MED16: variants seen among roughly 807,000 people sequenced by gnomAD.
The protein encoded by MED16 is mediator complex subunit 16, also known as mediator of RNA polymerase II transcription subunit 16.
In MED16, 81 loss-of-function variants were observed where a neutral mutation model predicts 84.4. The ratio of observed to expected loss-of-function variants is 0.96; its 90% CI spans 0.80 to 1.15. The LOEUF is 1.15. Ranked by LOEUF, MED16 falls within the 50% of genes most tolerant of loss-of-function variation. The pLI is 0.00. For missense variants in MED16, 1,585 were observed against 1,245.9 expected (o/e 1.27, Z -4.10); for synonymous variants, 897 against 552.2 (o/e 1.62, Z -8.76).
intron 10 of MED16, among the ~76,000 whole-genome samples, chr19:874,150 G>GT (rs1266864043): frequency 3.0e-5 from 4 of 133,258 alleles, no homozygotes; most frequent in Non-Finnish European, 5.2e-5. Context: ...GTCTCACTCT[G>GT]TCGCCCAGGC....
intron 4 of MED16, among the ~76,000 whole-genome samples, 156 bp from the exon 5 acceptor site, chr19:886,357 T>G (rs991289076): frequency 6.6e-6 from 1 of 152,184 alleles, no homozygotes; most frequent in Non-Finnish European, 1.5e-5. Context: ...GTGTGGGATG[T>G]GATCCCCTCT....
At chr19:878,972 C>T (rs1219811120) in intron 8 of MED16, among the ~76,000 whole-genome samples, 6 of 149,552 alleles carry the variant, frequency 4.0e-5, no homozygotes, top group African/African-American at 1.5e-4. Context: ...GCCCCAGCAG[C>T]TCACCTTCCC....
At chr19:873,425 G>A (rs750079791) in intron 11 of MED16, 24 bp downstream of exon 11, 23 of 1,600,728 alleles carry the variant, frequency 1.4e-5, no homozygotes, top group East Asian at 4.5e-5. Context: ...GGGGGGCGGG[G>A]CCTTAGGGGA....
chr19:871,652 T>A (rs1444022755), intron 12 of MED16: 1 of 1,587,404 alleles, frequency 6.3e-7, no homozygotes, highest in East Asian at 2.3e-5. Context: ...AGCATGGACC[T>A]GTGCTAGGAA....
At chr19:882,485 C>T (rs1162593528) in intron 6 of MED16, among the ~76,000 whole-genome samples, 3 of 152,194 alleles carry the variant, frequency 2.0e-5, no homozygotes, top group Non-Finnish European at 2.9e-5. Context: ...GATCACGCCA[C>T]TGCACTCCAG....
rs991155740 is a variant in MED16, at chr19:885,079, C to A, written c.880-71G>T. 1.6e-5 allele frequency: 19 copies of A among 1,209,410 alleles called. 1 individual carries two copies. Among genetic ancestry groups the A allele is most frequent in the Non-Finnish European group, 2.1e-5 (18 of 851,446 alleles). The allele number at this position is 1,209,410 out of a possible 1,614,324, so 74.9% of individuals were successfully genotyped here. ...GGCCACGCCACCACCGGAGCCTGAG[C>A]TGCGGGACCCTGGGGCCACGCACTG... On this transcript the variant is annotated intron_variant, in intron 5 of 15. Coordinates refer to ENST00000325464, the MANE Select transcript of MED16 (RefSeq NM_005481.3).
Position 868,510 on chromosome 19 carries a change from G to A in MED16, c.2400-11C>T, listed in dbSNP as rs768019313. 15 of 1,608,464 alleles carry A rather than the reference G, an allele frequency of 9.3e-6. No individual in the cohort carries two copies. The highest frequency in any genetic ancestry group is 1.7e-5 in the Admixed American group (1 of 59,850). On this transcript the variant is annotated splice_polypyrimidine_tract_variant and intron_variant, in intron 14 of 15. Coordinates refer to ENST00000325464, the MANE Select transcript of MED16 (RefSeq NM_005481.3). ...GTGACACAGCCGCACCTGCGGGGAG[G>A]CAGGCACTGAGCGGGTTCCCACTTC...
intron 4 of MED16, among the ~76,000 whole-genome samples, chr19:886,619 T>A (rs1163466131): frequency 6.6e-6 from 1 of 152,222 alleles, no homozygotes; most frequent in Non-Finnish European, 1.5e-5. Context: ...GCGGGGGCCG[T>A]CAGGCCCTGG....
chr19:871,744 G>T, intron 12 of MED16, 182 bp downstream of exon 12: 1 of 863,784 alleles, frequency 1.2e-6, no homozygotes, highest in Non-Finnish European at 1.8e-6. Flanking sequence ...GGCAGGACTT[G>T]TGTTTTGGTA....
chr19:891,575 T>C (rs1050637159), intron 1 of MED16, among the ~76,000 whole-genome samples: 34 of 151,694 alleles, frequency 2.2e-4, no homozygotes, highest in Non-Finnish European at 3.4e-4. Context: ...GGCGGCTCCC[T>C]GTAGCCGAGG....
chr19:886,652 T>C (rs2036533073), intron 4 of MED16, among the ~76,000 whole-genome samples: 1 of 152,244 alleles, frequency 6.6e-6, no homozygotes, highest in African/African-American at 2.4e-5. Flanking sequence ...AGACCTGAGC[T>C]ATAGCACTCA....
chr19:872,564 C>A (rs1052793598), intron 11 of MED16, among the ~76,000 whole-genome samples: 1 of 142,274 alleles, frequency 7.0e-6, no homozygotes, highest in African/African-American at 2.7e-5. Flanking sequence ...GTGATGGGCG[C>A]GGTGGAGAAG....
chr19:891,320 A>G (rs1474849487), intron 1 of MED16, among the ~76,000 whole-genome samples, 171 bp from the exon 2 acceptor site: 1 of 152,038 alleles, frequency 6.6e-6, no homozygotes, highest in Non-Finnish European at 1.5e-5. Context: ...GAACATGGAG[A>G]GGTCAGGGCC....
chr19:878,794 C>G (rs895433801), intron 8 of MED16, among the ~76,000 whole-genome samples: 3 of 78,508 alleles, frequency 3.8e-5, no homozygotes, highest in Non-Finnish European at 5.4e-5. Context: ...TGCCCACCAG[C>G]CCCAGCCCCA....
chr19:889,370 G>A (rs543783255), intron 4 of MED16, among the ~76,000 whole-genome samples: 25 of 152,216 alleles, frequency 1.6e-4, no homozygotes, highest in Admixed American at 4.6e-4. Context: ...ACTAAGAACG[G>A]CCACCCTCAG....
At chr19:874,259 G>A (rs1050166105) in intron 10 of MED16, among the ~76,000 whole-genome samples, 3 of 151,968 alleles carry the variant, frequency 2.0e-5, no homozygotes, top group East Asian at 1.9e-4. Flanking sequence ...GACTACAGGC[G>A]CCCGCCACCA....
At chr19:871,694 A>G in intron 12 of MED16, 1 of 1,398,028 alleles carries the variant, frequency 7.2e-7, no homozygotes, top group Non-Finnish European at 9.8e-7. Context: ...AGGCAGAGCC[A>G]CTGCCACCTG....
intron 13 of MED16, among the ~76,000 whole-genome samples, 173 bp from the exon 14 acceptor site, chr19:869,119 G>A (rs2035986966): frequency 6.6e-6 from 1 of 152,138 alleles, no homozygotes; most frequent in South Asian, 2.1e-4. Context: ...ACCTGAGACA[G>A]GCCCAGTAAA....
chr19:876,864 A>ACCACCGGCCACGGGGCCC, intron 9 of MED16, 110 bp downstream of exon 9: 1 of 931,100 alleles, frequency 1.1e-6, no homozygotes. Context: ...CTGGCACGGG[A>ACCACCGGCCACGGGGCCC]CCACCTGCCA....
Sources: gnomAD v4.1 joint callset for allele counts (sites outside exome capture counted in the v4.1 genomes callset) on GRCh38, gnomAD v4.1.1 for gene constraint, MANE v1.5 for transcripts, NCBI Gene and HGNC (gene_info 2026-07-23, HGNC 2026-07-21) for gene names.